Variants in LINGO2 observed in about 807,000 individuals in gnomAD.
LINGO2 encodes leucine-rich repeat and immunoglobulin-like domain-containing nogo receptor-interacting protein 2.
LINGO2 carries 14 observed loss-of-function variants against 30.6 expected under a neutral mutation model. The observed-to-expected ratio is 0.46, with a 90% CI of 0.30 to 0.72. LINGO2 has a LOEUF of 0.72. Ranked by LOEUF, LINGO2 falls within the 30% of genes least tolerant of loss-of-function variation. The probability of loss-of-function intolerance (pLI) is 0.07; values close to 1 mark genes in which losing one functional copy is unlikely to be tolerated. For synonymous variants in LINGO2, 317 were observed against 288.5 expected (o/e 1.10, Z -1.00); for missense variants, 729 against 751.7 (o/e 0.97, Z 0.35).
chr9:28,574,291 T>C (rs1157968819), intron 1 of LINGO2, among the ~76,000 whole-genome samples: 4 of 152,320 alleles, frequency 2.6e-5, no homozygotes, highest in South Asian at 2.1e-4. Flanking sequence ...CAGTAACACC[T>C]TTGGATCTGA....
intron 2 of LINGO2, among the ~76,000 whole-genome samples, chr9:28,474,257 G>T (rs987680048): frequency 3.3e-5 from 5 of 152,126 alleles, no homozygotes; most frequent in South Asian, 2.1e-4. Context: ...GTGTGCAAAT[G>T]AGTTCATTTT....
At chr9:28,076,743 T>A (rs1366362915) in intron 4 of LINGO2, among the ~76,000 whole-genome samples, 1 of 152,180 alleles carries the variant, frequency 6.6e-6, no homozygotes, top group African/African-American at 2.4e-5. Context: ...AATTTTTGAT[T>A]GTCAGCTATC....
At chr9:28,062,481 ATATATACATATATAC>A (rs1338492109) in intron 4 of LINGO2, among the ~76,000 whole-genome samples, 1 of 146,534 alleles carries the variant, frequency 6.8e-6, no homozygotes, top group Non-Finnish European at 1.5e-5. Flanking sequence ...TATATATACT[ATATATACATATATAC>A]TATACATGTA....
intron 4 of LINGO2, among the ~76,000 whole-genome samples, chr9:28,052,011 A>G (rs1012907524): frequency 1.3e-5 from 2 of 152,028 alleles, no homozygotes; most frequent in Admixed American, 6.6e-5. Context: ...CTCATTATAC[A>G]GTTGGGGCTG....
chr9:28,641,129 G>T (rs562085961), intron 1 of LINGO2, among the ~76,000 whole-genome samples: 1 of 152,110 alleles, frequency 6.6e-6, no homozygotes, highest in Admixed American at 6.6e-5. Flanking sequence ...CACCTCCCAG[G>T]TTCACGCCAT....
chr9:28,738,153 A>G, the LINGO2 span, among the ~76,000 whole-genome samples: 6 of 152,140 alleles, frequency 3.9e-5, no homozygotes, highest in Non-Finnish European at 8.8e-5. Context: ...ACAAGCATTA[A>G]TTAATTCCAG....
chr9:29,160,145 T>C, the LINGO2 span, among the ~76,000 whole-genome samples: 2 of 152,148 alleles, frequency 1.3e-5, no homozygotes, highest in East Asian at 3.9e-4. Context: ...CCTGCTTCAG[T>C]AGGGAGGAGA....
chr9:28,179,030 C>G (rs1828825138), intron 4 of LINGO2, among the ~76,000 whole-genome samples: 1 of 151,850 alleles, frequency 6.6e-6, no homozygotes, highest in Admixed American at 6.6e-5. Context: ...TTTTGCAGAC[C>G]TAATAAAATG....
intron 3 of LINGO2, among the ~76,000 whole-genome samples, chr9:28,361,599 C>G (rs1257019691): frequency 6.6e-6 from 1 of 151,836 alleles, no homozygotes; most frequent in African/African-American, 2.4e-5. Flanking sequence ...TTTAACACAC[C>G]TAATCTATCT....
intron 2 of LINGO2, among the ~76,000 whole-genome samples, chr9:28,431,055 A>AGAGAGG: frequency 6.6e-6 from 1 of 151,510 alleles, no homozygotes; most frequent in Admixed American, 6.6e-5. Flanking sequence ...AGAGAGAGAG[A>AGAGAGG]GAGAGAGAGA....
chr9:28,629,799 G>GA (rs1163144836), intron 1 of LINGO2, among the ~76,000 whole-genome samples: 2 of 152,122 alleles, frequency 1.3e-5, no homozygotes, highest in Non-Finnish European at 2.9e-5. Context: ...GTAATAACAT[G>GA]AAAACCTTCC....
chr9:29,171,854 A>G, the LINGO2 span, among the ~76,000 whole-genome samples: 676 of 152,060 alleles, frequency 4.4e-3, 9 homozygotes, highest in African/African-American at 0.015. Context: ...TCTCTGAATA[A>G]GAAAGTAAAA....
At chr9:28,731,053 C>T in the LINGO2 span, among the ~76,000 whole-genome samples, 26 of 151,942 alleles carry the variant, frequency 1.7e-4, no homozygotes, top group Admixed American at 1.3e-4. Context: ...GGCAATGGCA[C>T]GATTTCGGCT....
At chr9:28,637,837 G>T (rs1827359791) in intron 1 of LINGO2, among the ~76,000 whole-genome samples, 1 of 152,066 alleles carries the variant, frequency 6.6e-6, no homozygotes, top group South Asian at 2.1e-4. Context: ...TGATTGCCCT[G>T]GCCAGAACTT....
At chr9:29,080,191 G>A in the LINGO2 span, among the ~76,000 whole-genome samples, 43 of 152,180 alleles carry the variant, frequency 2.8e-4, no homozygotes, top group African/African-American at 9.6e-4. Context: ...ATGTGACCAG[G>A]AATTTATCCA....
intron 2 of LINGO2, among the ~76,000 whole-genome samples, chr9:28,374,209 T>TA (rs1491387629): frequency 0.014 from 929 of 67,272 alleles, 6 homozygotes; most frequent in Non-Finnish European, 0.019. Flanking sequence ...TATGTTTTTA[T>TA]TTATATATAT....
chr9:27,980,284 C>A (rs1820794956), intron 5 of LINGO2, among the ~76,000 whole-genome samples: 1 of 151,900 alleles, frequency 6.6e-6, no homozygotes. Context: ...TTTATTCATT[C>A]AATTCCCTGG....
the LINGO2 span, among the ~76,000 whole-genome samples, chr9:28,678,143 T>TAAAAAAAAAAAA: frequency 6.9e-6 from 1 of 144,386 alleles, no homozygotes; most frequent in Non-Finnish European, 1.5e-5. Flanking sequence ...CTTTGAATAT[T>TAAAAAAAAAAAA]AAAAAAAAAA....
At chr9:28,922,507 C>G in the LINGO2 span, among the ~76,000 whole-genome samples, 1 of 152,042 alleles carries the variant, frequency 6.6e-6, no homozygotes, top group African/African-American at 2.4e-5. Context: ...CAGTTAACCA[C>G]AGGAAATAAT....
Sources: gnomAD v4.1 joint callset for allele counts (sites outside exome capture counted in the v4.1 genomes callset) on GRCh38, gnomAD v4.1.1 for gene constraint, MANE v1.5 for transcripts, NCBI Gene and HGNC (gene_info 2026-07-23, HGNC 2026-07-21) for gene names.